Variants in ADGB observed in about 807,000 individuals in gnomAD.
The protein encoded by ADGB is calpain-7-like protein.
In ADGB, 172 loss-of-function variants were observed where a neutral mutation model predicts 210.5. That is an observed-to-expected ratio of 0.82 (90% CI 0.72 to 0.93). The LOEUF (loss-of-function observed/expected upper bound fraction) is 0.93, where lower values mean the gene tolerates loss of function less well. ADGB is among the 40% of genes least tolerant of loss of function. The pLI is 0.00. For synonymous variants in ADGB, 658 were observed against 662.7 expected, an observed-to-expected ratio of 0.99 and a Z score of 0.11; for missense variants, 2,025 against 1,964.8, an observed-to-expected ratio of 1.03 and a Z score of -0.58.
intron 35 of ADGB, among the ~76,000 whole-genome samples, chr6:146,811,253 T>C (rs948099227): frequency 2.6e-5 from 4 of 152,268 alleles, no homozygotes; most frequent in Non-Finnish European, 5.9e-5. Flanking sequence ...TTTTACAAAA[T>C]GGCATTTTTT....
At chr6:146,602,143 A>G (rs1275634100) in intron 1 of ADGB, among the ~76,000 whole-genome samples, 1 of 152,222 alleles carries the variant, frequency 6.6e-6, no homozygotes, top group Non-Finnish European at 1.5e-5. Context: ...TGTATCTGCC[A>G]GTATGAAATC....
chr6:146,682,727 A>G (rs1301856009), intron 9 of ADGB, among the ~76,000 whole-genome samples: 1 of 152,174 alleles, frequency 6.6e-6, no homozygotes, highest in African/African-American at 2.4e-5. Context: ...GGGTGTTCCA[A>G]TATTGCAGAA....
intron 1 of ADGB, among the ~76,000 whole-genome samples, chr6:146,631,575 A>G (rs887501195): frequency 6.6e-6 from 1 of 152,160 alleles, no homozygotes; most frequent in African/African-American, 2.4e-5. Context: ...ACAGGCATTC[A>G]TTGTTTCATT....
chr6:146,802,172 C>T (rs543669328), intron 35 of ADGB, among the ~76,000 whole-genome samples, 161 bp downstream of exon 35: 81 of 152,258 alleles, frequency 5.3e-4, no homozygotes, highest in African/African-American at 1.9e-3. Context: ...TTTGATTCTA[C>T]ACATCTCATC....
At chr6:146,802,070 A>G (rs988017992) in intron 35 of ADGB, 59 bp downstream of exon 35, 2 of 1,128,836 alleles carry the variant, frequency 1.8e-6, no homozygotes, top group African/African-American at 1.7e-5. Context: ...AACATTAAAA[A>G]GAAATTATAT....
chr6:146,787,384 A>G (rs1351946450), intron 32 of ADGB, among the ~76,000 whole-genome samples: 1 of 152,050 alleles, frequency 6.6e-6, no homozygotes, highest in Non-Finnish European at 1.5e-5. Context: ...CTATTCTTGA[A>G]CTTCAATTTA....
At chr6:146,798,823 A>G (rs982571511) in intron 33 of ADGB, among the ~76,000 whole-genome samples, 2 of 152,090 alleles carry the variant, frequency 1.3e-5, no homozygotes, top group African/African-American at 4.8e-5. Context: ...TAATAAATAC[A>G]CGGAAATAAA....
intron 28 of ADGB, among the ~76,000 whole-genome samples, chr6:146,765,186 G>C (rs1024150825): frequency 6.6e-6 from 1 of 151,828 alleles, no homozygotes; most frequent in African/African-American, 2.4e-5. Flanking sequence ...TAACATATAG[G>C]CACCTAATTA....
At chr6:146,667,693 T>A (rs1348653197) in intron 7 of ADGB, among the ~76,000 whole-genome samples, 1 of 152,104 alleles carries the variant, frequency 6.6e-6, no homozygotes, top group Non-Finnish European at 1.5e-5. Context: ...CTTATAAACC[T>A]GTCACACTTA....
At chr6:146,764,220 T>C (rs546007245) in intron 28 of ADGB, 120 bp downstream of exon 28, 32 of 814,442 alleles carry the variant, frequency 3.9e-5, no homozygotes, top group East Asian at 8.1e-5. Flanking sequence ...ATAGCCAGAA[T>C]TGGAGAATAA....
intron 12 of ADGB, among the ~76,000 whole-genome samples, chr6:146,694,076 T>C (rs1285422640): frequency 1.3e-5 from 2 of 152,168 alleles, no homozygotes; most frequent in East Asian, 3.9e-4. Context: ...TTCATGGCAA[T>C]GTAGGCTTTC....
intron 1 of ADGB, among the ~76,000 whole-genome samples, chr6:146,622,692 A>T (rs1313185781): frequency 6.6e-6 from 1 of 152,016 alleles, no homozygotes; most frequent in African/African-American, 2.4e-5. Context: ...TTATTCTATT[A>T]ATAGTGTCCT....
At chr6:146,718,932 T>G (rs1455307894) in intron 16 of ADGB, among the ~76,000 whole-genome samples, 1 of 118,448 alleles carries the variant, frequency 8.4e-6, no homozygotes, top group African/African-American at 2.8e-5. Flanking sequence ...TTTGACTTTA[T>G]AGAGATAACA....
chr6:146,637,095 A>T (rs989862318), intron 2 of ADGB, among the ~76,000 whole-genome samples: 7 of 152,048 alleles, frequency 4.6e-5, no homozygotes, highest in African/African-American at 1.7e-4. Flanking sequence ...ATGTGGAAAG[A>T]TTACCCTTAA....
At chr6:146,761,577 C>T (rs186976921) in intron 27 of ADGB, among the ~76,000 whole-genome samples, 1 of 152,136 alleles carries the variant, frequency 6.6e-6, no homozygotes, top group Admixed American at 6.6e-5. Flanking sequence ...CAGTACATCC[C>T]TCAATTTTAT....
chr6:146,814,798 A>G (rs1778358405), intron 35 of ADGB, among the ~76,000 whole-genome samples: 3 of 152,056 alleles, frequency 2.0e-5, no homozygotes. Flanking sequence ...TGTTTTGACT[A>G]TTTTTTCTAC....
chr6:146,743,150 A>G (rs1369732924), intron 25 of ADGB, among the ~76,000 whole-genome samples: 1 of 152,188 alleles, frequency 6.6e-6, no homozygotes, highest in African/African-American at 2.4e-5. Context: ...GAAACAGTTT[A>G]TTTAATTTGT....
intron 2 of ADGB, among the ~76,000 whole-genome samples, chr6:146,640,127 A>G (rs1052568879): frequency 6.6e-6 from 1 of 152,026 alleles, no homozygotes; most frequent in African/African-American, 2.4e-5. Context: ...AACTACTACA[A>G]ACTCCTCTAT....
intron 12 of ADGB, among the ~76,000 whole-genome samples, chr6:146,693,156 T>C (rs923878254): frequency 2.0e-5 from 3 of 152,182 alleles, no homozygotes; most frequent in Admixed American, 6.5e-5. Context: ...AGCTGAATGT[T>C]TGTATGCCCA....
Sources: allele counts gnomAD v4.1 joint callset (sites outside exome capture counted in the v4.1 genomes callset), GRCh38; gene constraint gnomAD v4.1.1; transcripts MANE v1.5; gene names NCBI Gene and HGNC (gene_info 2026-07-23, HGNC 2026-07-21).